The following FGD5 variants were observed in gnomAD, a reference collection of about 807,000 sequenced individuals.
FGD5 encodes the protein FYVE, RhoGEF and PH domain-containing protein 5.
Under a neutral mutation model 133.4 loss-of-function variants are expected in FGD5, and 28 were observed. The ratio of observed to expected loss-of-function variants is 0.21; its 90% CI spans 0.16 to 0.29. FGD5 has a LOEUF of 0.29. FGD5 is among the 10% of genes least tolerant of loss of function. The pLI, the probability that FGD5 is intolerant of heterozygous loss-of-function variation, is 1.00. For synonymous variants in FGD5, 810 were observed against 776.5 expected, an observed-to-expected ratio of 1.04 and a Z score of -0.72; for missense variants, 1,858 against 1,895.2, an observed-to-expected ratio of 0.98 and a Z score of 0.36.
chr3:14,912,477 G>C (rs774934586), intron 11 of FGD5, among the ~76,000 whole-genome samples: 18 of 152,352 alleles, frequency 1.2e-4, no homozygotes, highest in Middle Eastern at 3.4e-3. Flanking sequence ...GCGTGGTTTA[G>C]ATTTGGGTTC....
intron 1 of FGD5, among the ~76,000 whole-genome samples, chr3:14,858,013 T>TCTGA (rs1427264081): frequency 1.3e-5 from 2 of 151,726 alleles, no homozygotes; most frequent in African/African-American, 4.8e-5. Flanking sequence ...AGGCAGTCTG[T>TCTGA]CTGAGCCCAC....
At chr3:14,854,816 A>G (rs1036594092) in intron 1 of FGD5, among the ~76,000 whole-genome samples, 11 of 152,254 alleles carry the variant, frequency 7.2e-5, no homozygotes, top group African/African-American at 2.4e-4. Flanking sequence ...AGATCAGGAT[A>G]GTTAGCATAC....
intron 7 of FGD5, among the ~76,000 whole-genome samples, chr3:14,899,281 CT>C (rs2038193508): frequency 6.6e-6 from 1 of 152,158 alleles, no homozygotes; most frequent in Non-Finnish European, 1.5e-5. Flanking sequence ...CTCTCTGTCC[CT>C]TCTCTGTCTG....
chr3:14,818,729 GA>G (rs1338059339), upstream of FGD5, among the ~76,000 whole-genome samples: 1 of 152,198 alleles, frequency 6.6e-6, no homozygotes, highest in Non-Finnish European at 1.5e-5. Context: ...GCTGCGTGTA[GA>G]AGAAAGGTCT....
chr3:14,826,923 C>T (rs1341177572), intron 1 of FGD5, among the ~76,000 whole-genome samples: 1 of 152,152 alleles, frequency 6.6e-6, no homozygotes, highest in Non-Finnish European at 1.5e-5. Context: ...GAGATGGGTT[C>T]AGGGCTGCAG....
chr3:14,865,863 G>A (rs774675497), intron 2 of FGD5, among the ~76,000 whole-genome samples: 37 of 152,302 alleles, frequency 2.4e-4, no homozygotes, highest in African/African-American at 8.9e-4. Context: ...AAGGAGTATT[G>A]TCTCCTTGTG....
chr3:14,858,344 C>CAGGT (rs2037326045), intron 1 of FGD5, among the ~76,000 whole-genome samples: 1 of 110,490 alleles, frequency 9.1e-6, no homozygotes, highest in Non-Finnish European at 1.9e-5. Flanking sequence ...TGTCCTGAAG[C>CAGGT]GGGTGGGTGG....
chr3:14,824,843 G>A (rs1031499480), intron 1 of FGD5, among the ~76,000 whole-genome samples: 2 of 152,168 alleles, frequency 1.3e-5, no homozygotes, highest in Admixed American at 6.5e-5. Flanking sequence ...AAGATAGAAC[G>A]GTAAAACAAC....
Position 14,917,253 on chromosome 3 carries a change from A to G in FGD5, c.3410A>G (p.Asn1137Ser), listed in dbSNP as rs759023503. Residue 1137 changes from asparagine (N) to serine (S), a missense_variant, in exon 12 of 20, where the codon AAC (asparagine) becomes AGC (serine). By Grantham distance (46) the Asn-to-Ser change is conservative. Transcript: ENST00000285046. The surrounding 1 kb of genome is among the most constrained non-coding windows in gnomAD (Gnocchi z 4.1). The stretch of plus-strand genomic sequence containing the variant: ...ATAGGGTTTCCCTCTCTCCAGATGA[A>G]CGATGTGCTCCTGTACACCTATCCC... Reference protein sequence around the residue: ...NRRPRHLFLMNDVLLYTYPQK... With the variant: ...NRRPRHLFLMSDVLLYTYPQK... The G allele has an allele frequency of 1.9e-6, 3 of 1,613,356 alleles. No individual in the cohort carries two copies. Among genetic ancestry groups the G allele is most frequent in the Non-Finnish European group, 2.5e-6 (3 of 1,179,634 alleles).
At chr3:14,932,778 G>A (rs1296995821) in intron 19 of FGD5, 47 bp downstream of exon 19, 16 of 1,586,136 alleles carry the variant, frequency 1.0e-5, no homozygotes, top group South Asian at 7.0e-5. Flanking sequence ...TCTCTCAGAA[G>A]GCAACAAGTT....
At chr3:14,810,994 G>C in intron 1 of FGD5, 1 of 801,050 alleles carries the variant, frequency 1.2e-6, no homozygotes, top group East Asian at 1.3e-4. Context: ...AGTGCCGCTC[G>C]GCCTCGGCCA....
intron 1 of FGD5, among the ~76,000 whole-genome samples, chr3:14,859,533 C>G (rs1429523438): frequency 6.6e-6 from 1 of 151,822 alleles, no homozygotes; most frequent in African/African-American, 2.4e-5. Flanking sequence ...GCACTCCAGC[C>G]TGGGTGACAG....
intron 4 of FGD5, among the ~76,000 whole-genome samples, chr3:14,887,353 C>T (rs1304103932): frequency 6.6e-6 from 1 of 152,010 alleles, no homozygotes; most frequent in African/African-American, 2.4e-5. Context: ...AGCAAGTTCT[C>T]CTCCCAGCAG....
chr3:14,905,856 G>A (rs754209165), intron 9 of FGD5, among the ~76,000 whole-genome samples: 47 of 152,182 alleles, frequency 3.1e-4, no homozygotes, highest in Non-Finnish European at 4.1e-4. Context: ...CTTGTTATTG[G>A]AGGCCAGGCA....
At chr3:14,887,960 G>A (rs1353607413) in intron 4 of FGD5, among the ~76,000 whole-genome samples, 1 of 151,592 alleles carries the variant, frequency 6.6e-6, no homozygotes, top group African/African-American at 2.4e-5. Context: ...AAGGCCAGGA[G>A]TTTGAGACCA....
chr3:14,877,269 C>T (rs114608260), intron 2 of FGD5, among the ~76,000 whole-genome samples: 3,661 of 152,300 alleles, frequency 0.024, 66 homozygotes, highest in Non-Finnish European at 0.036. Context: ...CCCCGTTGGC[C>T]GCCTGGCGAA....
intron 1 of FGD5, among the ~76,000 whole-genome samples, chr3:14,856,899 G>T (rs2037291786): frequency 1.3e-5 from 2 of 152,062 alleles, no homozygotes; most frequent in Non-Finnish European, 2.9e-5. Flanking sequence ...TATTGCTCTG[G>T]CTAGGACTCT....
Position 14,852,637 on chromosome 3 carries a change from T to C in FGD5, c.2526-11491T>C, listed in dbSNP as rs1181904237. ...AAGCAAACCCCTCTGAAACCACTGA[T>C]GCTGCTGCGTTTTAAGAGGAGGGGT... On this transcript the variant is annotated intron_variant, in intron 1 of 19. Transcript: ENST00000285046. Among the ~76,000 whole-genome samples the C allele has an allele frequency of 3.9e-5, 6 of 152,228 alleles. No individual in the cohort carries two copies. The East Asian group carries it at 1.2e-3, about 29-fold the overall frequency.
At chr3:14,838,162 C>T (rs2036853087) in intron 1 of FGD5, among the ~76,000 whole-genome samples, 1 of 152,198 alleles carries the variant, frequency 6.6e-6, no homozygotes, top group African/African-American at 2.4e-5. Context: ...TGTTGGCTGT[C>T]ACGGGGCTGA....
Sources: allele counts gnomAD v4.1 joint callset (sites outside exome capture counted in the v4.1 genomes callset), GRCh38; gene constraint gnomAD v4.1.1; non-coding constraint Gnocchi (gnomAD v3.1); transcripts MANE v1.5; gene names NCBI Gene and HGNC (gene_info 2026-07-23, HGNC 2026-07-21).